PIWIL1: variants seen among roughly 807,000 people sequenced by gnomAD.
PIWIL1 encodes piwi-like protein 1.
In PIWIL1, 73 loss-of-function variants were observed where a neutral mutation model predicts 114.4. That is an observed-to-expected ratio of 0.64 (90% CI 0.53 to 0.78). PIWIL1 has a LOEUF of 0.78. PIWIL1 is among the 30% of genes least tolerant of loss of function. The pLI, the probability that PIWIL1 is intolerant of heterozygous loss-of-function variation, is 0.00. For missense variants in PIWIL1, 723 were observed against 1,063.1 expected (o/e 0.68, Z 4.45); for synonymous variants, 375 against 369.0 (o/e 1.02, Z -0.19).
the PIWIL1 span, among the ~76,000 whole-genome samples, chr12:130,394,653 G>A: frequency 1.1e-5 from 1 of 93,480 alleles, no homozygotes; most frequent in Non-Finnish European, 2.1e-5. Flanking sequence ...TGGAAGGTTG[G>A]GGATTTTTGC....
At chr12:130,367,749 G>A (rs570746086) in intron 19 of PIWIL1, among the ~76,000 whole-genome samples, 1 of 152,316 alleles carries the variant, frequency 6.6e-6, no homozygotes, top group East Asian at 1.9e-4. Flanking sequence ...GCACCGGCAG[G>A]CACAGGGAAA....
the PIWIL1 span, among the ~76,000 whole-genome samples, chr12:130,391,585 T>G: frequency 6.6e-6 from 1 of 152,206 alleles, no homozygotes; most frequent in African/African-American, 2.4e-5. Flanking sequence ...TACATGTGTC[T>G]TCTTCTTCTG....
chr12:130,397,742 ATG>A, the PIWIL1 span: 2 of 374,338 alleles, frequency 5.3e-6, no homozygotes, highest in East Asian at 7.7e-5. Flanking sequence ...CCAGACATAA[ATG>A]TGTGGGTTCC....
At chr12:130,424,366 T>C in the PIWIL1 span, 38 of 1,232,576 alleles carry the variant, frequency 3.1e-5, no homozygotes, top group Non-Finnish European at 3.7e-5. This position sits in a 1 kb window ranked among gnomAD's most constrained non-coding sequence, Gnocchi z 9.8. Context: ...TCCTCCACGC[T>C]GCTCTGCCGG....
the PIWIL1 span, chr12:130,412,531 G>T: frequency 1.7e-6 from 2 of 1,208,280 alleles, no homozygotes; most frequent in Non-Finnish European, 1.2e-6. Context: ...GCAATTTGGG[G>T]TCTCCTCATC....
the PIWIL1 span, among the ~76,000 whole-genome samples, chr12:130,391,054 G>A: frequency 6.6e-6 from 1 of 152,172 alleles, no homozygotes; most frequent in Non-Finnish European, 1.5e-5. Context: ...CTCTTCTGTC[G>A]TGTGGATCGC....
In PIWIL1 at chr12:130,345,897, AGTT is replaced by A; in HGVS notation, c.316+20_316+22del. 6.2e-7 allele frequency: 1 copy of A among 1,612,014 alleles called. No homozygotes were observed. Among genetic ancestry groups the A allele is most frequent in the Non-Finnish European group, 8.5e-7 (1 of 1,178,908 alleles). On this transcript the variant is annotated intron_variant, in intron 4 of 20. Coordinates refer to ENST00000245255, the MANE Select transcript of PIWIL1 (RefSeq NM_004764.5). ...AAAACAGGTAGGTTAATTAAGAATAAGTTTTGTGAGATTACATCTCAGGAACAC... is the reference window on the plus strand; with the variant it reads ...AAAACAGGTAGGTTAATTAAGAATAATTGTGAGATTACATCTCAGGAACAC...
chr12:130,414,304 C>T, the PIWIL1 span: 17 of 1,578,960 alleles, frequency 1.1e-5, no homozygotes, highest in South Asian at 5.9e-5. Context: ...CGCCCGTAAT[C>T]GTCTGCGAGC....
intron 19 of PIWIL1, among the ~76,000 whole-genome samples, chr12:130,369,609 A>C (rs1256890477): frequency 6.6e-6 from 1 of 152,054 alleles, no homozygotes; most frequent in African/African-American, 2.4e-5. Flanking sequence ...ATGGTATTTC[A>C]TTGTGGTTTT....
intron 19 of PIWIL1, among the ~76,000 whole-genome samples, chr12:130,368,913 G>A (rs1448705150): frequency 1.3e-5 from 2 of 150,794 alleles, no homozygotes; most frequent in South Asian, 2.1e-4. Context: ...TTTAAGTTCC[G>A]AGACACACGT....
Position 130,371,154 on chromosome 12 carries a change from CGT to C in PIWIL1, c.2322-17_2322-16del, listed in dbSNP as rs768651591. On this transcript the variant is annotated intron_variant, in intron 19 of 20. Transcript: ENST00000245255. ...CCCTAATTTTAGTTTTCAGCACATC[CGT>C]GTGTTTTCTGTAATTCCAGGTATGA... 1.6e-5 allele frequency: 25 copies of C among 1,608,862 alleles called. No homozygotes were observed. Among genetic ancestry groups the C allele is most frequent in the South Asian group, 4.4e-5 (4 of 90,914 alleles).
intron 1 of PIWIL1, among the ~76,000 whole-genome samples, chr12:130,340,631 T>G (rs1184458093): frequency 1.2e-3 from 3 of 2,414 alleles, no homozygotes; most frequent in Non-Finnish European, 6.9e-4. Context: ...GTGGTGGTGG[T>G]TGGGGGAGGG....
chr12:130,402,212 C>T, the PIWIL1 span, among the ~76,000 whole-genome samples: 37 of 152,258 alleles, frequency 2.4e-4, no homozygotes, highest in Non-Finnish European at 4.6e-4. Context: ...GCCTAAGTTC[C>T]GTTCTGTTTG....
At chr12:130,425,061 G>A in the PIWIL1 span, 1 of 393,498 alleles carries the variant, frequency 2.5e-6, no homozygotes. Context: ...GGGGCGGGGT[G>A]GAGGCTGAGG....
intron 1 of PIWIL1, among the ~76,000 whole-genome samples, chr12:130,341,768 C>T (rs1013655136): frequency 1.3e-5 from 2 of 152,180 alleles, no homozygotes; most frequent in Admixed American, 6.5e-5. Context: ...GAGGCCTCTA[C>T]CCTTAATAGC....
At chr12:130,365,877 G>A (rs983810479) in intron 18 of PIWIL1, among the ~76,000 whole-genome samples, 1 of 152,198 alleles carries the variant, frequency 6.6e-6, no homozygotes, top group Non-Finnish European at 1.5e-5. Flanking sequence ...TTTTCAACAC[G>A]TTCATTGTGG....
chr12:130,338,983 G>T (rs1263887314), intron 1 of PIWIL1, among the ~76,000 whole-genome samples: 3 of 151,900 alleles, frequency 2.0e-5, no homozygotes, highest in Admixed American at 6.5e-5. Context: ...GCGTGAGACT[G>T]CGGGGACCTG....
chr12:130,371,433 A>C lies in PIWIL1; in HGVS notation c.2470-49A>C, dbSNP rs370534989. 3.1e-6 allele frequency: 5 copies of C among 1,607,818 alleles called. No individual in the cohort carries two copies. The African/African-American group carries it at 6.7e-5, about 21-fold the overall frequency. On this transcript the variant is annotated intron_variant, in intron 20 of 20. Coordinates refer to ENST00000245255, the MANE Select transcript of PIWIL1 (RefSeq NM_004764.5). ...GGGTTAATACTGAGATTTGCAATTG[A>C]AAGAGGCTAAGTCTAGAGTAATAGA...
the PIWIL1 span, among the ~76,000 whole-genome samples, chr12:130,410,626 C>T: frequency 3.9e-5 from 6 of 152,140 alleles, no homozygotes; most frequent in Non-Finnish European, 8.8e-5. Flanking sequence ...ATCCTTTCTC[C>T]GTTGAATTGC....
Sources: allele counts gnomAD v4.1 joint callset (sites outside exome capture counted in the v4.1 genomes callset), GRCh38; gene constraint gnomAD v4.1.1; non-coding constraint Gnocchi (gnomAD v3.1); transcripts MANE v1.5; gene names NCBI Gene and HGNC (gene_info 2026-07-23, HGNC 2026-07-21).